GRAMD1B: variants seen among roughly 807,000 people sequenced by gnomAD.
The protein encoded by GRAMD1B is protein Aster-B.
In GRAMD1B, 37 loss-of-function variants were observed where a neutral mutation model predicts 99.7. The ratio of observed to expected loss-of-function variants is 0.37; its 90% CI spans 0.29 to 0.49. The LOEUF (loss-of-function observed/expected upper bound fraction) is 0.49, where lower values mean the gene tolerates loss of function less well. Ranked by LOEUF, GRAMD1B falls within the 20% of genes least tolerant of loss-of-function variation. The probability of loss-of-function intolerance (pLI) is 0.98; values close to 1 mark genes in which losing one functional copy is unlikely to be tolerated. For synonymous variants in GRAMD1B, 427 were observed against 387.6 expected, an observed-to-expected ratio of 1.10 and a Z score of -1.19; for missense variants, 888 against 1,009.2, an observed-to-expected ratio of 0.88 and a Z score of 1.63.
At chr11:123,486,808 G>GC (rs1283874740) in intron 2 of GRAMD1B, among the ~76,000 whole-genome samples, 1 of 152,214 alleles carries the variant, frequency 6.6e-6, no homozygotes, top group Non-Finnish European at 1.5e-5. Context: ...GGTGGCTCAT[G>GC]CCTGTAATCC....
chr11:123,584,392 T>TGGGGGGGAAAGGG (rs1949825373), intron 4 of GRAMD1B, 60 bp downstream of exon 4: 1 of 976,756 alleles, frequency 1.0e-6, no homozygotes, highest in African/African-American at 1.6e-5. Flanking sequence ...GGAATGGAGG[T>TGGGGGGGAAAGGG]TGGGGGAAGG....
intron 2 of GRAMD1B, among the ~76,000 whole-genome samples, chr11:123,502,727 A>G (rs570084057): frequency 3.4e-5 from 5 of 148,450 alleles, no homozygotes; most frequent in Non-Finnish European, 7.4e-5. Flanking sequence ...GTGAGCTGAG[A>G]TAGTGCCATT....
chr11:123,398,238 CTA>C (rs1947536197), intron 1 of GRAMD1B, among the ~76,000 whole-genome samples: 1 of 152,202 alleles, frequency 6.6e-6, no homozygotes, highest in Non-Finnish European at 1.5e-5. Flanking sequence ...AGTTTAAAAA[CTA>C]TATTTCTTAC....
chr11:123,516,980 C>A (rs1288646656), intron 2 of GRAMD1B, among the ~76,000 whole-genome samples: 1 of 152,178 alleles, frequency 6.6e-6, no homozygotes, highest in Non-Finnish European at 1.5e-5. Context: ...AGAGCAATGG[C>A]ACGATCTTGG....
At chr11:123,614,934 G>C (rs1268411541) in intron 17 of GRAMD1B, 99 bp downstream of exon 17, 1 of 645,154 alleles carries the variant, frequency 1.6e-6, no homozygotes, top group Non-Finnish European at 2.7e-6. Context: ...CACCCTTACT[G>C]TTTGCCCTGG....
At chr11:123,558,849 A>T (rs1409569870) in intron 2 of GRAMD1B, among the ~76,000 whole-genome samples, 1 of 152,230 alleles carries the variant, frequency 6.6e-6, no homozygotes, top group Non-Finnish European at 1.5e-5. Context: ...TGCAGACAGA[A>T]GCAATCTTGG....
At chr11:123,573,540 A>C (rs79729901) in intron 2 of GRAMD1B, among the ~76,000 whole-genome samples, 2,669 of 152,250 alleles carry the variant, frequency 0.018, 54 homozygotes, top group Admixed American at 0.062. Flanking sequence ...GAGCTTGACA[A>C]TCAGATAGGC....
chr11:123,577,686 C>T, intron 3 of GRAMD1B, 109 bp downstream of exon 3: 1 of 784,852 alleles, frequency 1.3e-6, no homozygotes, highest in Non-Finnish European at 2.1e-6. Flanking sequence ...GATGAACAGC[C>T]CTGATGGCTC....
intron 1 of GRAMD1B, among the ~76,000 whole-genome samples, chr11:123,469,735 CTTTCTCTT>C (rs1950896592): frequency 8.1e-6 from 1 of 123,912 alleles, no homozygotes; most frequent in South Asian, 2.7e-4. Flanking sequence ...TTTTTTCTTT[CTTTCTCTT>C]TCTTTCTTTC....
At chr11:123,399,087 A>T (rs1947566105) in intron 1 of GRAMD1B, among the ~76,000 whole-genome samples, 1 of 152,152 alleles carries the variant, frequency 6.6e-6, no homozygotes, top group Non-Finnish European at 1.5e-5. Context: ...TATACTCCTC[A>T]TTTCCCTCTC....
At chr11:123,501,156 TG>T (rs1357540441) in intron 2 of GRAMD1B, among the ~76,000 whole-genome samples, 1 of 152,146 alleles carries the variant, frequency 6.6e-6, no homozygotes, top group Middle Eastern at 3.4e-3. Flanking sequence ...AGTTCTTTTT[TG>T]TTTGTTTATT....
chr11:123,619,625 C>T, intron 19 of GRAMD1B: 1 of 679,978 alleles, frequency 1.5e-6, no homozygotes, highest in Non-Finnish European at 2.0e-6. Flanking sequence ...ACCGCCCCCT[C>T]CTCTGACAGT....
At chr11:123,565,681 G>A (rs1311269664) in intron 2 of GRAMD1B, among the ~76,000 whole-genome samples, 1 of 151,996 alleles carries the variant, frequency 6.6e-6, no homozygotes, top group Non-Finnish European at 1.5e-5. Flanking sequence ...GAGGCCTGAT[G>A]GCTGTTGTCA....
intron 3 of GRAMD1B, among the ~76,000 whole-genome samples, chr11:123,580,088 C>T (rs1044607713): frequency 6.6e-6 from 1 of 152,184 alleles, no homozygotes. Context: ...TCATTGCCAT[C>T]GACACTTGCC....
chr11:123,594,722 G>A lies in GRAMD1B; in HGVS notation c.770-13G>A, dbSNP rs372289774. On this transcript the variant is annotated splice_polypyrimidine_tract_variant and intron_variant, in intron 5 of 19. Coordinates refer to ENST00000635736, the MANE Select transcript of GRAMD1B (RefSeq NM_001387025.1). The stretch of plus-strand genomic sequence containing the variant: ...CCTGCCTCTGAGCTCCCCTACCTCC[G>A]CTCCTACCACAGATTACTCATGTGC... The A allele has an allele frequency of 2.5e-5, 35 of 1,411,528 alleles. No individual in the cohort carries two copies. The highest frequency in any genetic ancestry group is 3.0e-5 in the Non-Finnish European group (30 of 995,064). 87.4% of individuals were successfully genotyped at this position (1,411,528 alleles called of 1,614,324 possible). A position where few individuals can be genotyped will look rare whatever the true frequency, so the allele number is the denominator to read the frequency against.
At chr11:123,620,472 CAAAAAA>C (rs55787871) in intron 19 of GRAMD1B, among the ~76,000 whole-genome samples, 5 of 69,232 alleles carry the variant, frequency 7.2e-5, no homozygotes, top group African/African-American at 1.3e-4. Context: ...GACTTCATCT[CAAAAAA>C]AAAAAAAAAA....
At chr11:123,422,824 C>T (rs1444352230) in intron 1 of GRAMD1B, among the ~76,000 whole-genome samples, 1 of 152,230 alleles carries the variant, frequency 6.6e-6, no homozygotes, top group Non-Finnish European at 1.5e-5. Flanking sequence ...ACTGTCTTCT[C>T]TGTGAAATTC....
intron 1 of GRAMD1B, among the ~76,000 whole-genome samples, chr11:123,473,651 A>G (rs1228547056): frequency 2.6e-5 from 4 of 152,158 alleles, no homozygotes; most frequent in Non-Finnish European, 5.9e-5. Flanking sequence ...GAATCCCTGA[A>G]TCTTTGACCA....
chr11:123,613,555 G>T lies in GRAMD1B; in HGVS notation c.2124G>T (p.Lys708Asn). The T allele has an allele frequency of 6.2e-7, 1 of 1,613,792 alleles. No homozygotes were observed. The highest frequency in any genetic ancestry group is 8.5e-7 in the Non-Finnish European group (1 of 1,179,774). Residue 708 changes from lysine (K) to asparagine (N), a missense_variant, in exon 16 of 20, where the codon AAG becomes AAT. Coordinates refer to ENST00000635736, the MANE Select transcript of GRAMD1B (RefSeq NM_001387025.1). ...AGACTACAACGGTGCGGAGGAGGAA[G>T]CGTCCCCATGCCCACCTGCGAGTCC... ...ASKTTTVRRR[K>N]RPHAHLRVPH...
Sources: gnomAD v4.1 joint callset for allele counts (sites outside exome capture counted in the v4.1 genomes callset) on GRCh38, gnomAD v4.1.1 for gene constraint, MANE v1.5 for transcripts, NCBI Gene and HGNC (gene_info 2026-07-23, HGNC 2026-07-21) for gene names.